The following PAPPA variants were observed in gnomAD, a reference collection of about 807,000 sequenced individuals.
PAPPA encodes pappalysin 1, also known as pappalysin-1.
In PAPPA, 60 loss-of-function variants were observed where a neutral mutation model predicts 164.0. The ratio of observed to expected loss-of-function variants is 0.37; its 90% CI spans 0.30 to 0.45. The LOEUF (loss-of-function observed/expected upper bound fraction) is 0.45, where lower values mean the gene tolerates loss of function less well. PAPPA is among the 20% of genes least tolerant of loss of function. The pLI is 1.00. For missense variants in PAPPA, 1,782 were observed against 2,087.3 expected (o/e 0.85, Z 2.85); for synonymous variants, 875 against 814.1 (o/e 1.07, Z -1.27).
At chr9:116,232,489 G>C (rs981642926) in intron 6 of PAPPA, among the ~76,000 whole-genome samples, 4 of 152,138 alleles carry the variant, frequency 2.6e-5, no homozygotes, top group African/African-American at 7.2e-5. Flanking sequence ...TTCAAAGCCT[G>C]GCACGCTGCC....
At chr9:116,160,801 C>T (rs151122550) in intron 1 of PAPPA, among the ~76,000 whole-genome samples, 51 of 152,334 alleles carry the variant, frequency 3.3e-4, no homozygotes, top group African/African-American at 1.2e-3. Context: ...TGGAAATGCT[C>T]AACTGTGATT....
chr9:116,215,419 G>C (rs1819391640), intron 4 of PAPPA, among the ~76,000 whole-genome samples: 1 of 152,162 alleles, frequency 6.6e-6, no homozygotes, highest in Admixed American at 6.6e-5. Flanking sequence ...CCACAAAAAA[G>C]AATGAGATTA....
intron 17 of PAPPA, among the ~76,000 whole-genome samples, chr9:116,358,993 A>G (rs563890029): frequency 2.6e-5 from 4 of 152,316 alleles, no homozygotes; most frequent in East Asian, 3.9e-4. Flanking sequence ...CATGATCCTC[A>G]TGATCACTCT....
At chr9:116,348,462 C>G (rs950816098) in intron 15 of PAPPA, among the ~76,000 whole-genome samples, 1 of 151,800 alleles carries the variant, frequency 6.6e-6, no homozygotes, top group Non-Finnish European at 1.5e-5. Context: ...TTGATCATAA[C>G]ATAGTTTAAG....
chr9:116,274,048 A>G (rs1845167677), intron 9 of PAPPA, among the ~76,000 whole-genome samples: 1 of 151,950 alleles, frequency 6.6e-6, no homozygotes, highest in Non-Finnish European at 1.5e-5. Context: ...AAACCCAGAG[A>G]GCCTGACTCC....
intron 9 of PAPPA, among the ~76,000 whole-genome samples, chr9:116,288,445 C>CCCTT (rs1301742206): frequency 0.013 from 1,372 of 104,646 alleles, 26 homozygotes; most frequent in African/African-American, 0.033. Context: ...CTCCCTCCCT[C>CCCTT]CCTTCCTTCC....
chr9:116,289,522 A>C (rs1197950815), intron 9 of PAPPA, among the ~76,000 whole-genome samples: 1 of 151,652 alleles, frequency 6.6e-6, no homozygotes. Context: ...GAATATTCCC[A>C]ATATTTGTAT....
intron 14 of PAPPA, 43 bp downstream of exon 14, chr9:116,344,754 G>C: frequency 6.4e-7 from 1 of 1,573,898 alleles, no homozygotes; most frequent in Non-Finnish European, 8.7e-7. Context: ...GCAGCCCAGG[G>C]AAGGCTTACT....
intron 11 of PAPPA, among the ~76,000 whole-genome samples, chr9:116,332,120 G>A (rs767109411): frequency 3.9e-5 from 6 of 152,144 alleles, no homozygotes; most frequent in African/African-American, 1.4e-4. Flanking sequence ...AGCTAAGTAT[G>A]AGCAGAGAAA....
At chr9:116,343,383 C>G (rs939066212) in intron 13 of PAPPA, among the ~76,000 whole-genome samples, 1 of 152,130 alleles carries the variant, frequency 6.6e-6, no homozygotes, top group African/African-American at 2.4e-5. Flanking sequence ...GAGGCAACAG[C>G]ATTATAGAAA....
intron 7 of PAPPA, among the ~76,000 whole-genome samples, chr9:116,263,042 C>A (rs1403994471): frequency 6.6e-6 from 1 of 152,138 alleles, no homozygotes; most frequent in African/African-American, 2.4e-5. Flanking sequence ...CTGTCCCCAC[C>A]TTTTAACTTA....
chr9:116,250,013 A>ATGTGTGTGTGTG (rs67162181), intron 7 of PAPPA, among the ~76,000 whole-genome samples: 28 of 143,646 alleles, frequency 1.9e-4, no homozygotes, highest in African/African-American at 6.9e-4. Flanking sequence ...GTACCTGCAT[A>ATGTGTGTGTGTG]TGTGTGTGTG....
intron 1 of PAPPA, among the ~76,000 whole-genome samples, chr9:116,176,570 A>G (rs1440395292): frequency 2.6e-5 from 4 of 152,196 alleles, no homozygotes. Flanking sequence ...GCTCCATGGT[A>G]GCAGAGTTGA....
At chr9:116,355,377 G>A (rs1010923946) in intron 17 of PAPPA, among the ~76,000 whole-genome samples, 3 of 152,200 alleles carry the variant, frequency 2.0e-5, no homozygotes, top group South Asian at 2.1e-4. Context: ...AGCTGGCATC[G>A]GCTGAGTCAC....
chr9:116,279,014 T>G (rs1428088488), intron 9 of PAPPA, among the ~76,000 whole-genome samples: 1 of 152,206 alleles, frequency 6.6e-6, no homozygotes, highest in Non-Finnish European at 1.5e-5. Context: ...AAAATGGTCC[T>G]GAACCAAATC....
intron 9 of PAPPA, among the ~76,000 whole-genome samples, chr9:116,275,226 T>C (rs984111501): frequency 2.0e-5 from 3 of 152,248 alleles, no homozygotes; most frequent in Non-Finnish European, 2.9e-5. Context: ...ATTATTGCCA[T>C]AAGATAATGT....
intron 13 of PAPPA, among the ~76,000 whole-genome samples, chr9:116,343,626 C>T (rs1000269324): frequency 2.0e-5 from 3 of 152,116 alleles, no homozygotes; most frequent in East Asian, 1.9e-4. Flanking sequence ...AGTTGAGTCT[C>T]GTGGCTATAT....
intron 21 of PAPPA, among the ~76,000 whole-genome samples, chr9:116,391,368 C>A (rs535406902): frequency 1.3e-5 from 2 of 152,292 alleles, no homozygotes; most frequent in East Asian, 3.9e-4. Flanking sequence ...AAGTGACCTG[C>A]CAGTGATGTG....
intron 18 of PAPPA, 42 bp from the exon 19 acceptor site, chr9:116,367,603 G>A (rs747629252): frequency 6.9e-7 from 1 of 1,451,874 alleles, no homozygotes; most frequent in Non-Finnish European, 9.6e-7. Flanking sequence ...AGATGTTGAG[G>A]GTCTCGGGCC....
Sources: gnomAD v4.1 joint callset for allele counts (sites outside exome capture counted in the v4.1 genomes callset) on GRCh38, gnomAD v4.1.1 for gene constraint, MANE v1.5 for transcripts, NCBI Gene and HGNC (gene_info 2026-07-23, HGNC 2026-07-21) for gene names.